RSPH14: variants seen among roughly 807,000 people sequenced by gnomAD.
RSPH14 encodes radial spoke head 14 homolog, also known as rhabdoid tumor deletion region gene 1.
Under a neutral mutation model 26.7 loss-of-function variants are expected in RSPH14, and 20 were observed. The ratio of observed to expected loss-of-function variants is 0.75; its 90% CI spans 0.53 to 1.09. The LOEUF is 1.09. Among genes scored for constraint, RSPH14 ranks in the 50% least tolerant of loss-of-function variants. The pLI, the probability that RSPH14 is intolerant of heterozygous loss-of-function variation, is 0.00. For synonymous variants in RSPH14, 177 were observed against 189.3 expected (o/e 0.93, Z 0.53); for missense variants, 449 against 457.2 (o/e 0.98, Z 0.16).
At chr22:23,161,087 A>C in the RSPH14 span, 2 of 1,461,290 alleles carry the variant, frequency 1.4e-6, no homozygotes, top group African/African-American at 1.4e-5. Context: ...AGGCCTTGCC[A>C]TTTCCTGAAC....
At chr22:23,150,591 G>T in the RSPH14 span, among the ~76,000 whole-genome samples, 2 of 151,706 alleles carry the variant, frequency 1.3e-5, no homozygotes, top group Non-Finnish European at 1.5e-5. Flanking sequence ...GTGAGCCACC[G>T]TGCCCAGCCA....
the RSPH14 span, chr22:23,159,164 CAG>C: frequency 6.8e-6 from 11 of 1,611,162 alleles, no homozygotes; most frequent in Non-Finnish European, 7.6e-6. Context: ...TTCTCCCAGT[CAG>C]GGGCCGCATG....
At chr22:23,081,506 TGTTATAGGCCAATCAG>T (rs151239017) in intron 4 of RSPH14, among the ~76,000 whole-genome samples, 6,639 of 152,206 alleles carry the variant, frequency 0.044, 512 homozygotes, top group African/African-American at 0.15. Flanking sequence ...TAGAAATATA[TGTTATAGGCCAATCAG>T]GTTATAGGCC....
At chr22:23,149,908 T>C (rs1411545770), upstream of RSPH14, among the ~76,000 whole-genome samples, 1 of 152,170 alleles carries the variant, frequency 6.6e-6, no homozygotes, top group Non-Finnish European at 1.5e-5. Flanking sequence ...AAATAGAAGA[T>C]ACACATGACA....
chr22:23,122,935 A>G, intron 4 of RSPH14: 2 of 611,138 alleles, frequency 3.3e-6, no homozygotes, highest in East Asian at 5.4e-5. Context: ...GAAGACATTT[A>G]ACCTGGGCTT....
the RSPH14 span, among the ~76,000 whole-genome samples, chr22:23,170,228 C>G: frequency 6.6e-6 from 1 of 152,090 alleles, no homozygotes; most frequent in Non-Finnish European, 1.5e-5. Context: ...TGAAAGCAGA[C>G]TCAAACAAGT....
intron 4 of RSPH14, among the ~76,000 whole-genome samples, chr22:23,088,290 C>T (rs958539273): frequency 6.6e-6 from 1 of 152,200 alleles, no homozygotes; most frequent in African/African-American, 2.4e-5. Flanking sequence ...CCTGCATGCT[C>T]TGAGCTGTGG....
chr22:23,153,472 C>T, the RSPH14 span: 7 of 700,862 alleles, frequency 1.0e-5, no homozygotes, highest in Non-Finnish European at 1.1e-5. Flanking sequence ...CTCACCAGGC[C>T]AGCAGGGTGG....
chr22:23,089,622 G>T (rs2068908593), intron 4 of RSPH14, among the ~76,000 whole-genome samples: 1 of 152,194 alleles, frequency 6.6e-6, no homozygotes. Flanking sequence ...TACAGGAACA[G>T]ACTTGAGAGG....
chr22:23,153,860 T>G, the RSPH14 span, among the ~76,000 whole-genome samples: 2 of 152,074 alleles, frequency 1.3e-5, no homozygotes, highest in Non-Finnish European at 2.9e-5. Flanking sequence ...AATTTATTTT[T>G]GTATTTTTAG....
the RSPH14 span, among the ~76,000 whole-genome samples, chr22:23,154,382 C>A: frequency 3.3e-5 from 5 of 152,358 alleles, no homozygotes; most frequent in Admixed American, 1.3e-4. Context: ...GAGATAGTGC[C>A]CCCTTCTCTC....
At chr22:23,162,944 C>G in the RSPH14 span, 1 of 343,438 alleles carries the variant, frequency 2.9e-6, no homozygotes, top group Non-Finnish European at 5.7e-6. Flanking sequence ...GGAGTTTCAC[C>G]CTTGTTGCCC....
At chr22:23,090,184 C>T (rs2068929231) in intron 4 of RSPH14, among the ~76,000 whole-genome samples, 1 of 152,124 alleles carries the variant, frequency 6.6e-6, no homozygotes, top group Admixed American at 6.5e-5. Context: ...GGACAGCTGA[C>T]AGTCCCCCTT....
At chr22:23,122,087 G>C (rs1473077437) in intron 4 of RSPH14, among the ~76,000 whole-genome samples, 1 of 152,160 alleles carries the variant, frequency 6.6e-6, no homozygotes, top group Non-Finnish European at 1.5e-5. Flanking sequence ...CCAGATTTTT[G>C]ATATTTTGCT....
intron 4 of RSPH14, among the ~76,000 whole-genome samples, chr22:23,076,139 G>T (rs568789584): frequency 6.6e-6 from 1 of 152,200 alleles, no homozygotes; most frequent in Non-Finnish European, 1.5e-5. Flanking sequence ...TCCAGACAGG[G>T]CTGGTGGGGC....
intron 4 of RSPH14, among the ~76,000 whole-genome samples, chr22:23,084,143 GT>G (rs1009191451): frequency 7.2e-5 from 11 of 152,188 alleles, no homozygotes; most frequent in Non-Finnish European, 1.5e-5. Context: ...GGCAAGTGGG[GT>G]TTTTATCTTC....
At chr22:23,079,564 C>T (rs1343198176) in intron 4 of RSPH14, among the ~76,000 whole-genome samples, 1 of 152,136 alleles carries the variant, frequency 6.6e-6, no homozygotes, top group East Asian at 1.9e-4. Context: ...AAGCAAGCGT[C>T]GGGAGCAAAC....
intron 4 of RSPH14, among the ~76,000 whole-genome samples, chr22:23,078,528 C>T (rs1051616743): frequency 1.3e-5 from 2 of 152,350 alleles, no homozygotes; most frequent in South Asian, 4.1e-4. Context: ...CCTCAGTCTC[C>T]AGTGTGTTTG....
chr22:23,154,240 G>A, the RSPH14 span, among the ~76,000 whole-genome samples: 3 of 151,876 alleles, frequency 2.0e-5, no homozygotes, highest in Non-Finnish European at 2.9e-5. Context: ...GGCTAGCCCC[G>A]CCCCCCTCCT....
Sources: gnomAD v4.1 joint callset for allele counts (sites outside exome capture counted in the v4.1 genomes callset) on GRCh38, gnomAD v4.1.1 for gene constraint, MANE v1.5 for transcripts, NCBI Gene and HGNC (gene_info 2026-07-23, HGNC 2026-07-21) for gene names.